Variants in IL1RAPL2 observed in about 807,000 individuals in gnomAD.
IL1RAPL2 encodes the protein X-linked interleukin-1 receptor accessory protein-like 2.
A neutral mutation model predicts 44.1 loss-of-function variants in IL1RAPL2; 3 were observed. The observed-to-expected ratio is 0.07, with a 90% CI of 0.03 to 0.18. The LOEUF (loss-of-function observed/expected upper bound fraction) is 0.18. IL1RAPL2 is among the 10% of genes least tolerant of loss of function. The pLI, the probability that IL1RAPL2 is intolerant of heterozygous loss-of-function variation, is 1.00. For synonymous variants in IL1RAPL2, 181 were observed against 178.8 expected (o/e 1.01, Z -0.10); for missense variants, 391 against 496.4 (o/e 0.79, Z 2.02).
chrX:105,603,984 A>C (rs2147823769), intron 6 of IL1RAPL2, among the ~76,000 whole-genome samples: 1 of 111,340 alleles, frequency 9.0e-6, no homozygotes, highest in Admixed American at 9.6e-5. Flanking sequence ...AACACAGCAT[A>C]TTAAAACCTA....
intron 5 of IL1RAPL2, among the ~76,000 whole-genome samples, chrX:105,376,637 AG>A (rs1879244152): frequency 8.9e-6 from 1 of 111,781 alleles, no homozygotes; most frequent in Admixed American, 9.6e-5. Flanking sequence ...CTGAGTTCCT[AG>A]TCTGGATATT....
intron 5 of IL1RAPL2, among the ~76,000 whole-genome samples, chrX:105,327,402 T>G (rs1024837415): frequency 2.7e-5 from 3 of 111,966 alleles, no homozygotes; most frequent in African/African-American, 9.7e-5. Flanking sequence ...TCAATTTTCC[T>G]TGAAGTTCAG....
chrX:105,755,657 A>G (rs113531574), intron 10 of IL1RAPL2, among the ~76,000 whole-genome samples: 12,837 of 111,506 alleles, frequency 0.12, 1,818 homozygotes, highest in African/African-American at 0.4. Context: ...AAGCCTTTTC[A>G]ATATATTTCA....
At chrX:105,399,497 A>T (rs922645095) in intron 5 of IL1RAPL2, among the ~76,000 whole-genome samples, 1 of 110,819 alleles carries the variant, frequency 9.0e-6, no homozygotes, top group African/African-American at 3.3e-5. Flanking sequence ...GTAATTGCCT[A>T]TTATGTTTGT....
chrX:104,606,497 A>G (rs1222333605), intron 1 of IL1RAPL2, among the ~76,000 whole-genome samples: 1 of 111,830 alleles, frequency 8.9e-6, no homozygotes, highest in Non-Finnish European at 1.9e-5. Context: ...AAGAAATAAA[A>G]GTATTCAAAT....
At chrX:104,609,586 T>C (rs764148437) in intron 1 of IL1RAPL2, among the ~76,000 whole-genome samples, 2 of 112,205 alleles carry the variant, frequency 1.8e-5, no homozygotes, top group Admixed American at 1.9e-4. Context: ...CTTCTCTCTT[T>C]ATTTCATTAA....
chrX:105,382,868 A>G (rs1223757104), intron 5 of IL1RAPL2, among the ~76,000 whole-genome samples: 1 of 105,690 alleles, frequency 9.5e-6, no homozygotes, highest in African/African-American at 3.5e-5. Flanking sequence ...CTATCGTAAG[A>G]ACAAAAAACC....
At chrX:105,680,761 T>C (rs1381059637) in intron 6 of IL1RAPL2, among the ~76,000 whole-genome samples, 2 of 112,013 alleles carry the variant, frequency 1.8e-5, no homozygotes, top group Non-Finnish European at 1.9e-5. Context: ...AGTGTAAAAG[T>C]ACAAAAGTGT....
At chrX:104,655,743 A>G (rs891453829) in intron 1 of IL1RAPL2, among the ~76,000 whole-genome samples, 4 of 111,832 alleles carry the variant, frequency 3.6e-5, no homozygotes, top group Non-Finnish European at 1.9e-5. Context: ...TTTCCAAAGG[A>G]ATGGTACCAG....
At chrX:105,461,520 AAC>A (rs1490546630) in intron 5 of IL1RAPL2, among the ~76,000 whole-genome samples, 1 of 111,088 alleles carries the variant, frequency 9.0e-6, no homozygotes, top group Non-Finnish European at 1.9e-5. Flanking sequence ...AAAAAATCTG[AAC>A]ACAAATCCCT....
intron 2 of IL1RAPL2, among the ~76,000 whole-genome samples, chrX:104,776,473 C>T (rs1821929851): frequency 8.9e-6 from 1 of 111,769 alleles, no homozygotes; most frequent in South Asian, 3.7e-4. Flanking sequence ...GCCTCAGTCT[C>T]CTTGTCTAAA....
chrX:105,222,618 T>C (rs1409627201), intron 3 of IL1RAPL2, among the ~76,000 whole-genome samples: 1 of 111,627 alleles, frequency 9.0e-6, no homozygotes, highest in East Asian at 2.8e-4. Flanking sequence ...ATTAGGGAGA[T>C]GCTAAAGCAA....
chrX:105,285,279 G>A (rs1770158988), intron 5 of IL1RAPL2, among the ~76,000 whole-genome samples: 1 of 111,963 alleles, frequency 8.9e-6, no homozygotes, highest in Admixed American at 9.5e-5. Flanking sequence ...GCCTGTATAG[G>A]TTTGTGAGGT....
intron 2 of IL1RAPL2, among the ~76,000 whole-genome samples, chrX:105,054,965 A>C (rs1442104662): frequency 1.8e-5 from 2 of 112,514 alleles, no homozygotes; most frequent in African/African-American, 6.5e-5. Context: ...AAAATTATCA[A>C]CCCATTAAGA....
Position 105,068,507 on chromosome X carries a change from A to G in IL1RAPL2, c.83-126968A>G, listed in dbSNP as rs1007924129. The stretch of plus-strand genomic sequence containing the variant: ...TAAAAAGTCTATAAATATGTTAAGA[A>G]CTATTGTGACAGGAAGCTCATGGCT... On this transcript the variant is annotated intron_variant, in intron 2 of 10. Coordinates refer to ENST00000372582, the MANE Select transcript of IL1RAPL2 (RefSeq NM_017416.2). 7.1e-5 allele frequency among the ~76,000 whole-genome samples: 8 copies of G among 111,903 alleles called. 1 individual carries two copies. The highest frequency in any genetic ancestry group is 1.5e-4 in the Non-Finnish European group (8 of 53,215).
intron 2 of IL1RAPL2, among the ~76,000 whole-genome samples, chrX:104,698,905 A>G (rs1448850675): frequency 9.0e-6 from 1 of 111,719 alleles, no homozygotes; most frequent in Non-Finnish European, 1.9e-5. Flanking sequence ...ATAAGAGACT[A>G]CAAAATAGAA....
intron 2 of IL1RAPL2, among the ~76,000 whole-genome samples, chrX:104,814,126 CAGAT>C (rs1358674395): frequency 2.7e-5 from 3 of 111,576 alleles, no homozygotes; most frequent in Non-Finnish European, 5.7e-5. Context: ...GAGCTGTACT[CAGAT>C]AGGCTAGCAC....
chrX:104,751,106 A>G (rs766853765), intron 2 of IL1RAPL2, among the ~76,000 whole-genome samples: 2 of 111,654 alleles, frequency 1.8e-5, no homozygotes, highest in African/African-American at 3.2e-5. Context: ...TTCATTTCTG[A>G]CCACTGATGA....
chrX:104,948,736 G>A (rs1440526221), intron 2 of IL1RAPL2, among the ~76,000 whole-genome samples: 1 of 110,015 alleles, frequency 9.1e-6, no homozygotes, highest in African/African-American at 3.3e-5. Flanking sequence ...ATTTGTGTAT[G>A]TTGAACCAGC....
Sources: gnomAD v4.1 joint callset for allele counts (sites outside exome capture counted in the v4.1 genomes callset) on GRCh38, gnomAD v4.1.1 for gene constraint, MANE v1.5 for transcripts, NCBI Gene and HGNC (gene_info 2026-07-23, HGNC 2026-07-21) for gene names.